The following TBCK variants were observed in gnomAD, a reference collection of about 807,000 sequenced individuals.
TBCK encodes the protein TBC1 domain containing kinase, also known as TBC domain-containing protein kinase-like protein.
In TBCK, 99 loss-of-function variants were observed where a neutral mutation model predicts 113.4. The observed-to-expected ratio is 0.87, with a 90% confidence interval of 0.74 to 1.03. The LOEUF (loss-of-function observed/expected upper bound fraction) is 1.03, where lower values mean the gene tolerates loss of function less well. Among genes scored for constraint, TBCK ranks in the 50% least tolerant of loss-of-function variants. The pLI is 0.00. For synonymous variants in TBCK, 369 were observed against 370.8 expected (o/e 1.00, Z 0.05); for missense variants, 1,045 against 1,061.3 (o/e 0.98, Z 0.21).
chr4:106,231,766 A>C lies in TBCK; in HGVS notation c.1653T>G (p.Leu551=). 1 of 1,609,994 alleles carries C rather than the reference A, an allele frequency of 6.2e-7. No homozygotes were observed. Among genetic ancestry groups the C allele is most frequent in the Non-Finnish European group, 8.5e-7 (1 of 1,177,932 alleles). Residue 551 remains leucine (L), a synonymous_variant, in exon 18 of 26, where the codon CTT becomes CTG. Transcript: ENST00000394708. The stretch of plus-strand genomic sequence containing the variant: ...AGTTTAGATATAGGAATGGAGCACA[A>C]AGTGAGTCAAGACCTAACACAGAGG... ...DLVYWQGLDS[L]CAPFLYLNFN...
At chr4:106,267,551 T>C (rs1375055613) in intron 3 of TBCK, among the ~76,000 whole-genome samples, 2 of 151,974 alleles carry the variant, frequency 1.3e-5, no homozygotes, top group East Asian at 3.9e-4. Context: ...AAATAAAACA[T>C]AAAAATTTAC....
intron 25 of TBCK, among the ~76,000 whole-genome samples, chr4:106,071,548 G>A (rs1415585066): frequency 6.6e-6 from 1 of 152,228 alleles, no homozygotes; most frequent in East Asian, 1.9e-4. Flanking sequence ...TAAAGGCAAT[G>A]TGGTGCCAAG....
intron 14 of TBCK, 135 bp from the exon 15 acceptor site, chr4:106,235,502 C>T: frequency 2.0e-6 from 1 of 501,696 alleles, no homozygotes. Context: ...ATTATTGTGT[C>T]TGGTGTTATT....
At chr4:106,096,572 G>C (rs1740933105) in intron 24 of TBCK, among the ~76,000 whole-genome samples, 1 of 152,132 alleles carries the variant, frequency 6.6e-6, no homozygotes, top group African/African-American at 2.4e-5. Context: ...TGGGCTGCCT[G>C]CCCACCTGCT....
intron 24 of TBCK, among the ~76,000 whole-genome samples, chr4:106,107,990 C>T (rs1225304534): frequency 3.3e-5 from 5 of 151,800 alleles, no homozygotes; most frequent in Non-Finnish European, 7.4e-5. Flanking sequence ...TCTATGTACA[C>T]AAATAGAAAA....
intron 10 of TBCK, among the ~76,000 whole-genome samples, chr4:106,246,826 T>G (rs11931386): frequency 0.6 from 90,896 of 151,926 alleles, 27,491 homozygotes; most frequent in Non-Finnish European, 0.64. Context: ...TTTGTGCGTG[T>G]GTGCATGTAC....
intron 3 of TBCK, among the ~76,000 whole-genome samples, chr4:106,268,889 A>T (rs1160916426): frequency 1.3e-5 from 2 of 152,106 alleles, no homozygotes; most frequent in Non-Finnish European, 2.9e-5. Context: ...GAAATCATTC[A>T]TGTATAAGTG....
At chr4:106,246,831 A>ATGTACTT (rs1407725554) in intron 10 of TBCK, among the ~76,000 whole-genome samples, 1 of 152,066 alleles carries the variant, frequency 6.6e-6, no homozygotes, top group Non-Finnish European at 1.5e-5. Flanking sequence ...GCGTGTGTGC[A>ATGTACTT]TGTACTTTGT....
intron 1 of TBCK, among the ~76,000 whole-genome samples, chr4:106,313,914 T>C (rs995775244): frequency 1.3e-5 from 2 of 152,188 alleles, no homozygotes; most frequent in Non-Finnish European, 2.9e-5. Context: ...TATTTTGCCC[T>C]TGGCAGGAAA....
intron 23 of TBCK, among the ~76,000 whole-genome samples, chr4:106,118,592 C>A (rs967171677): frequency 5.3e-5 from 8 of 152,154 alleles, no homozygotes; most frequent in Non-Finnish European, 1.0e-4. Context: ...TTTTTTCCAG[C>A]CTTCACATGA....
At chr4:106,271,855 C>T (rs930385748) in intron 3 of TBCK, among the ~76,000 whole-genome samples, 1 of 151,944 alleles carries the variant, frequency 6.6e-6, no homozygotes, top group African/African-American at 2.4e-5. Flanking sequence ...GGTTTCCCAC[C>T]AATGGAAGAA....
At position 106,308,800 on chromosome 4, in the gene TBCK, C is replaced by T. The variant is rs775831728; in HGVS notation, c.161G>A (p.Cys54Tyr). 3 of 1,613,802 alleles carry T rather than the reference C, an allele frequency of 1.9e-6. No individual in the cohort carries two copies. The highest frequency in any genetic ancestry group is 1.7e-6 in the Non-Finnish European group (2 of 1,179,892). The change falls in exon 2 of 26, where the codon TGC (cysteine) becomes TAC (tyrosine). Residue 54 changes from cysteine to tyrosine, a missense_variant. Coordinates refer to ENST00000394708, the MANE Select transcript of TBCK (RefSeq NM_001163435.3). The stretch of plus-strand genomic sequence containing the variant: ...TCCCCTAGAAATATCCACATACTGG[C>T]AGAGTCTGGGATGGGTGATGGTTTT... Reference protein sequence around the residue: ...ILKTITHPRLCQYVDISRGKH... With the variant: ...ILKTITHPRLYQYVDISRGKH...
chr4:106,049,394 T>C (rs1560578458), intron 25 of TBCK, among the ~76,000 whole-genome samples: 1 of 152,042 alleles, frequency 6.6e-6, no homozygotes, highest in African/African-American at 2.4e-5. Flanking sequence ...TCTTCTTTCC[T>C]TTTATTTCTC....
intron 22 of TBCK, chr4:106,182,631 T>G (rs1328849342): frequency 2.0e-5 from 3 of 152,164 alleles, no homozygotes; most frequent in Non-Finnish European, 2.9e-5. Context: ...GATAATCATG[T>G]GGTTTTTGTC....
intron 23 of TBCK, among the ~76,000 whole-genome samples, chr4:106,167,949 G>A (rs72968437): frequency 0.045 from 6,856 of 151,754 alleles, 513 homozygotes; most frequent in African/African-American, 0.15. Context: ...TATGCCAACT[G>A]TCTACAATTT....
At chr4:106,146,198 C>T (rs754746877) in intron 23 of TBCK, among the ~76,000 whole-genome samples, 1 of 151,928 alleles carries the variant, frequency 6.6e-6, no homozygotes, top group Non-Finnish European at 1.5e-5. Flanking sequence ...TATACATATA[C>T]ATGTAATACA....
chr4:106,227,681 G>T (rs1293542735), intron 19 of TBCK, among the ~76,000 whole-genome samples: 1 of 151,752 alleles, frequency 6.6e-6, no homozygotes, highest in Non-Finnish European at 1.5e-5. Context: ...AACGTAGGAA[G>T]AATTATATAT....
chr4:106,282,287 TTC>T lies in TBCK; in HGVS notation c.266+12805_266+12806del, dbSNP rs1164887919. Among the ~76,000 whole-genome samples, 5 of 152,060 alleles carry T rather than the reference TTC, an allele frequency of 3.3e-5. No homozygotes were observed. In the East Asian group the frequency reaches 7.7e-4, roughly 23 times the overall value. On this transcript the variant is annotated intron_variant, in intron 3 of 25. Transcript: ENST00000394708. ...CATCTCTGATTTTATTAGTTGAGTC[TTC>T]TCTTTTTTTTCTTAGTCTATCTAAA... is the stretch of plus-strand genomic sequence containing the variant.
intron 3 of TBCK, among the ~76,000 whole-genome samples, chr4:106,268,016 TA>T (rs1763143722): frequency 6.6e-6 from 1 of 151,958 alleles, no homozygotes; most frequent in Non-Finnish European, 1.5e-5. Flanking sequence ...TATATTTACT[TA>T]AAACATCCAA....
Sources: allele counts gnomAD v4.1 joint callset (sites outside exome capture counted in the v4.1 genomes callset), GRCh38; gene constraint gnomAD v4.1.1; transcripts MANE v1.5; gene names NCBI Gene and HGNC (gene_info 2026-07-23, HGNC 2026-07-21).